The following CACNA2D3 variants were observed in gnomAD, a reference collection of about 807,000 sequenced individuals.
CACNA2D3 encodes the protein calcium voltage-gated channel auxiliary subunit alpha2delta 3.
Under a neutral mutation model 160.6 loss-of-function variants are expected in CACNA2D3, and 60 were observed. The observed-to-expected ratio is 0.37, with a 90% CI of 0.30 to 0.46. The LOEUF is 0.46. Ranked by LOEUF, CACNA2D3 falls within the 20% of genes least tolerant of loss-of-function variation. The pLI is 1.00. For missense variants in CACNA2D3, 1,205 were observed against 1,365.0 expected, an observed-to-expected ratio of 0.88 and a Z score of 1.85; for synonymous variants, 558 against 492.9, an observed-to-expected ratio of 1.13 and a Z score of -1.75.
intron 2 of CACNA2D3, among the ~76,000 whole-genome samples, chr3:54,189,136 G>A (rs187707528): frequency 4.6e-4 from 70 of 152,356 alleles, no homozygotes; most frequent in Non-Finnish European, 7.1e-4. Flanking sequence ...CTTGGACTTC[G>A]TGGTTATAAA....
At chr3:54,654,007 T>C (rs537561277) in intron 11 of CACNA2D3, among the ~76,000 whole-genome samples, 27 of 152,218 alleles carry the variant, frequency 1.8e-4, no homozygotes, top group African/African-American at 6.0e-4. Context: ...CCCCACCCAA[T>C]GGGGAGCACT....
intron 4 of CACNA2D3, among the ~76,000 whole-genome samples, chr3:54,464,102 G>A (rs1052973277): frequency 3.3e-5 from 5 of 152,138 alleles, no homozygotes; most frequent in African/African-American, 9.7e-5. Flanking sequence ...CATGAACCAC[G>A]AATGCTGCTG....
chr3:54,560,878 A>T (rs1367600882), intron 5 of CACNA2D3, among the ~76,000 whole-genome samples: 1 of 152,146 alleles, frequency 6.6e-6, no homozygotes, highest in Non-Finnish European at 1.5e-5. Context: ...CAAAGATAAG[A>T]TAGTTGTAGG....
At chr3:54,651,052 A>C (rs1699754916) in intron 11 of CACNA2D3, among the ~76,000 whole-genome samples, 1 of 152,254 alleles carries the variant, frequency 6.6e-6, no homozygotes, top group African/African-American at 2.4e-5. Context: ...TGACCACTCC[A>C]GCACTCAAAT....
chr3:54,370,515 A>C (rs1206317859), intron 3 of CACNA2D3, among the ~76,000 whole-genome samples: 1 of 152,200 alleles, frequency 6.6e-6, no homozygotes, highest in Non-Finnish European at 1.5e-5. Context: ...AGATTTGCCT[A>C]ATCCCCTGGT....
intron 27 of CACNA2D3, among the ~76,000 whole-genome samples, chr3:54,967,865 C>G (rs1338750839): frequency 6.6e-6 from 1 of 152,148 alleles, no homozygotes; most frequent in African/African-American, 2.4e-5. Flanking sequence ...CTTTAGGAAG[C>G]TTTTCACAGA....
intron 10 of CACNA2D3, among the ~76,000 whole-genome samples, chr3:54,640,579 T>A (rs1699495307): frequency 6.6e-6 from 1 of 152,154 alleles, no homozygotes; most frequent in Non-Finnish European, 1.5e-5. Flanking sequence ...AGCTGAAAGT[T>A]GAAGAAGTCT....
Position 54,562,868 on chromosome 3 carries a change from C to G in CACNA2D3, c.613C>G (p.Arg205Gly), listed in dbSNP as rs201460686. 293 of 1,612,896 alleles carry G rather than the reference C, an allele frequency of 1.8e-4. No individual in the cohort carries two copies. The highest frequency in any genetic ancestry group is 2.3e-4 in the Non-Finnish European group (271 of 1,179,178). The change falls in exon 6 of 38, where the codon CGT becomes GGT. Residue 205 changes from arginine to glycine, a missense_variant. Physicochemically the swap from Arg to Gly is moderately radical, Grantham distance 125 (BLOSUM62 -2). Around this residue, in one of 3 missense-constraint regions of CACNA2D3, gnomAD observed 131 missense variants for 201.5 expected, o/e 0.65. Transcript: ENST00000474759. The stretch of plus-strand genomic sequence containing the variant: ...CAAAGTTTTTGTAGATAACTTTGAC[C>G]GTGACCCATCTCTCATATGGCAGTA... ...LNKVFVDNFD[R>G]DPSLIWQYFG... is the part of the protein sequence containing the mutation.
intron 26 of CACNA2D3, among the ~76,000 whole-genome samples, chr3:54,899,262 T>A (rs1700270951): frequency 6.6e-6 from 1 of 152,230 alleles, no homozygotes; most frequent in Admixed American, 6.5e-5. Context: ...GAGTGAAGAT[T>A]ATGCTCTAGC....
chr3:55,017,595 T>C (rs1297237301), intron 34 of CACNA2D3, among the ~76,000 whole-genome samples: 1 of 152,144 alleles, frequency 6.6e-6, no homozygotes, highest in Admixed American at 6.6e-5. Context: ...CCTAGTGAGG[T>C]TTTGGATCTT....
intron 4 of CACNA2D3, among the ~76,000 whole-genome samples, chr3:54,387,051 A>G (rs763647698): frequency 1.5e-4 from 23 of 152,228 alleles, no homozygotes; most frequent in Non-Finnish European, 2.6e-4. Flanking sequence ...TCAACTGACA[A>G]TAATCACCAG....
intron 16 of CACNA2D3, among the ~76,000 whole-genome samples, chr3:54,843,189 T>C (rs1698859416): frequency 6.6e-6 from 1 of 152,148 alleles, no homozygotes. Flanking sequence ...CTCGAACTCC[T>C]GACCTCAGGT....
chr3:54,173,202 G>A (rs1700609114), intron 2 of CACNA2D3, among the ~76,000 whole-genome samples: 1 of 152,144 alleles, frequency 6.6e-6, no homozygotes, highest in Non-Finnish European at 1.5e-5. Flanking sequence ...TGTTTAACCA[G>A]AATTTCTCTG....
chr3:54,971,053 G>T (rs963267915), intron 29 of CACNA2D3, among the ~76,000 whole-genome samples: 3 of 152,080 alleles, frequency 2.0e-5, no homozygotes, highest in Middle Eastern at 3.4e-3. Flanking sequence ...CAAAATGCTC[G>T]GTCCCAGAGG....
chr3:54,721,968 T>C (rs967992155), intron 11 of CACNA2D3, among the ~76,000 whole-genome samples: 12 of 152,130 alleles, frequency 7.9e-5, no homozygotes, highest in Admixed American at 7.9e-4. Flanking sequence ...TCTTGCTAGG[T>C]TGGGGAAGTT....
chr3:54,941,041 T>G (rs1474577094), intron 27 of CACNA2D3, among the ~76,000 whole-genome samples: 6 of 152,258 alleles, frequency 3.9e-5, no homozygotes, highest in Non-Finnish European at 8.8e-5. Context: ...ATGTTTCCTT[T>G]TCTCCAGTGA....
At chr3:55,072,473 C>G (rs1294522158) in intron 35 of CACNA2D3, among the ~76,000 whole-genome samples, 1 of 152,044 alleles carries the variant, frequency 6.6e-6, no homozygotes, top group Admixed American at 6.5e-5. Flanking sequence ...GTGATATACT[C>G]AAAAGAATGG....
At chr3:55,051,323 G>A (rs546065815) in intron 35 of CACNA2D3, among the ~76,000 whole-genome samples, 1 of 152,190 alleles carries the variant, frequency 6.6e-6, no homozygotes, top group African/African-American at 2.4e-5. Context: ...CCTTCTAACA[G>A]AGGGGACCCT....
intron 2 of CACNA2D3, among the ~76,000 whole-genome samples, chr3:54,226,384 C>A (rs1701673769): frequency 6.8e-6 from 1 of 147,594 alleles, no homozygotes; most frequent in Admixed American, 6.9e-5. Flanking sequence ...TATCACAGCT[C>A]TGCAACCTCC....
Sources: allele counts gnomAD v4.1 joint callset (sites outside exome capture counted in the v4.1 genomes callset), GRCh38; gene constraint gnomAD v4.1.1; regional missense constraint gnomAD v4.1.1; transcripts MANE v1.5; gene names NCBI Gene and HGNC (gene_info 2026-07-23, HGNC 2026-07-21).